TTC13: variants seen among roughly 807,000 people sequenced by gnomAD.
TTC13 encodes tetratricopeptide repeat protein 13.
TTC13 carries 62 observed loss-of-function variants against 120.0 expected under a neutral mutation model. That is an observed-to-expected ratio of 0.52 (90% CI 0.42 to 0.64). The LOEUF is 0.64. TTC13 is among the 30% of genes least tolerant of loss of function. TTC13 has a pLI of 0.00. For synonymous variants in TTC13, 384 were observed against 393.5 expected, an observed-to-expected ratio of 0.98 and a Z score of 0.28; for missense variants, 824 against 1,050.2, an observed-to-expected ratio of 0.78 and a Z score of 2.98.
At chr1:230,941,238 T>C (rs111457956) in intron 6 of TTC13, among the ~76,000 whole-genome samples, 18 of 152,320 alleles carry the variant, frequency 1.2e-4, no homozygotes, top group African/African-American at 4.3e-4. Flanking sequence ...TGGGTATCAG[T>C]GTTCATGCAA....
intron 3 of TTC13, chr1:230,956,420 C>T (rs763289976): frequency 8.1e-5 from 17 of 208,782 alleles, no homozygotes; most frequent in Non-Finnish European, 1.5e-4. Flanking sequence ...CTGCCACTCA[C>T]CAGCCGTGTG....
intron 1 of TTC13, among the ~76,000 whole-genome samples, chr1:230,966,576 CA>C: frequency 6.6e-6 from 1 of 152,122 alleles, no homozygotes; most frequent in East Asian, 1.9e-4. Context: ...CTCTACTGAG[CA>C]AAACCAGAAA....
At chr1:230,970,248 G>A (rs1677591610) in intron 1 of TTC13, among the ~76,000 whole-genome samples, 2 of 152,182 alleles carry the variant, frequency 1.3e-5, no homozygotes, top group Admixed American at 1.3e-4. Flanking sequence ...CTTAAGAAGA[G>A]CAGTTTCAGC....
At chr1:230,971,493 T>C (rs966760270) in intron 1 of TTC13, among the ~76,000 whole-genome samples, 4 of 152,150 alleles carry the variant, frequency 2.6e-5, no homozygotes, top group African/African-American at 9.7e-5. Flanking sequence ...CTTCATTTAA[T>C]GAAATGAAAT....
At chr1:230,909,250 T>C (rs1671248930) in intron 20 of TTC13, among the ~76,000 whole-genome samples, 1 of 152,226 alleles carries the variant, frequency 6.6e-6, no homozygotes, top group African/African-American at 2.4e-5. Context: ...ACACCTGTAA[T>C]CCCAGCACTT....
chr1:230,933,997 G>C, intron 8 of TTC13, 136 bp from the exon 9 acceptor site: 1 of 485,968 alleles, frequency 2.1e-6, no homozygotes, highest in Non-Finnish European at 3.6e-6. Flanking sequence ...AAAAAGAGAG[G>C]CAGAAAATGC....
intron 2 of TTC13, among the ~76,000 whole-genome samples, chr1:230,958,601 G>A (rs867278861): frequency 2.6e-5 from 4 of 152,230 alleles, no homozygotes; most frequent in Non-Finnish European, 5.9e-5. Context: ...TGTTACTGAT[G>A]ATATACAGCT....
At chr1:230,961,157 G>T in intron 2 of TTC13, 52 bp downstream of exon 2, 2 of 1,458,756 alleles carry the variant, frequency 1.4e-6, no homozygotes, top group Non-Finnish European at 9.5e-7. Flanking sequence ...TTTGGAACTA[G>T]TATCACTGGG....
chr1:230,976,145 G>A (rs185605102), intron 1 of TTC13, among the ~76,000 whole-genome samples: 8 of 152,314 alleles, frequency 5.3e-5, no homozygotes, highest in African/African-American at 1.7e-4. Context: ...GAACAGGTTT[G>A]TGGCTGGACA....
At chr1:230,925,133 T>C (rs1319415727) in intron 13 of TTC13, among the ~76,000 whole-genome samples, 160 bp from the exon 14 acceptor site, 4 of 152,210 alleles carry the variant, frequency 2.6e-5, no homozygotes, top group Admixed American at 6.5e-5. Flanking sequence ...ATGATGGTCC[T>C]ACTAAAATTA....
Position 230,931,489 on chromosome 1 carries a change from G to C in TTC13, c.1126-17C>G. 6.2e-7 allele frequency: 1 copy of C among 1,612,002 alleles called. No homozygotes were observed. The highest frequency in any genetic ancestry group is 8.5e-7 in the Non-Finnish European group (1 of 1,179,178). On this transcript the variant is annotated splice_polypyrimidine_tract_variant and intron_variant, in intron 10 of 22. Coordinates refer to ENST00000366661, the MANE Select transcript of TTC13 (RefSeq NM_024525.5). ...CAGACACCGCTGAGGACAAAATGCT[G>C]CATTAGTATCAACACAGTTTAGGAA...
chr1:230,963,105 C>T (rs1304022474), intron 1 of TTC13, among the ~76,000 whole-genome samples: 1 of 152,128 alleles, frequency 6.6e-6, no homozygotes, highest in African/African-American at 2.4e-5. Flanking sequence ...AAGATATGTT[C>T]TAATTCAGCA....
At chr1:230,947,655 T>C (rs1297442904) in intron 4 of TTC13, among the ~76,000 whole-genome samples, 1 of 152,128 alleles carries the variant, frequency 6.6e-6, no homozygotes, top group African/African-American at 2.4e-5. Flanking sequence ...GGCCCATGGG[T>C]TGGACAAGCT....
At chr1:230,910,989 T>A (rs931539530) in intron 20 of TTC13, among the ~76,000 whole-genome samples, 1 of 152,222 alleles carries the variant, frequency 6.6e-6, no homozygotes, top group Non-Finnish European at 1.5e-5. Context: ...AGCTCTTGTT[T>A]TAATGATACC....
At chr1:230,946,640 G>A (rs1182340933) in intron 4 of TTC13, among the ~76,000 whole-genome samples, 2 of 152,084 alleles carry the variant, frequency 1.3e-5, no homozygotes, top group Admixed American at 6.5e-5. Context: ...CAACAAACAT[G>A]GGCCCACATT....
rs552231377 is a variant in TTC13 at position 230,916,561 on chromosome 1, T to C, written c.1984-259A>G. On this transcript the variant is annotated intron_variant, in intron 17 of 22. Coordinates refer to ENST00000366661, the MANE Select transcript of TTC13 (RefSeq NM_024525.5). The stretch of plus-strand genomic sequence containing the variant: ...ACCAAAAGCTCACAGGTTCTCTTCG[T>C]CAACAAGGGGCACTGCTCACTTCTA... Among the ~76,000 whole-genome samples, 3 of 152,326 alleles carry C rather than the reference T, an allele frequency of 2.0e-5. No homozygotes were observed. The East Asian group carries it at 5.8e-4, about 29-fold the overall frequency.
rs146208071 is a variant in TTC13, at chr1:230,972,662, A to G, written c.271+5898T>C. On this transcript the variant is annotated intron_variant, in intron 1 of 22. Transcript: ENST00000366661. ...AGTCATGCTCCAGGTAGGTTCTAAA[A>G]CCCAAGTCACACCATTTTTGCCTCC... Among the ~76,000 whole-genome samples, 50 of 152,336 alleles carry G rather than the reference A, an allele frequency of 3.3e-4. No individual in the cohort carries two copies. The East Asian group carries it at 8.9e-3, about 27-fold the overall frequency.
chr1:230,924,225 A>G (rs1204984848), intron 14 of TTC13, among the ~76,000 whole-genome samples: 1 of 152,262 alleles, frequency 6.6e-6, no homozygotes, highest in African/African-American at 2.4e-5. Flanking sequence ...GGACTGGTCC[A>G]GCGAAGTTCA....
intron 15 of TTC13, among the ~76,000 whole-genome samples, chr1:230,922,050 C>T (rs1672622345): frequency 1.3e-5 from 2 of 152,186 alleles, no homozygotes; most frequent in Non-Finnish European, 2.9e-5. Flanking sequence ...CAGGACATCG[C>T]TCCCTGGGTT....
Sources: allele counts gnomAD v4.1 joint callset (sites outside exome capture counted in the v4.1 genomes callset), GRCh38; gene constraint gnomAD v4.1.1; transcripts MANE v1.5; gene names NCBI Gene and HGNC (gene_info 2026-07-23, HGNC 2026-07-21).